Variants in RNF166 observed in about 807,000 individuals in gnomAD.
RNF166 encodes the protein E3 ubiquitin-protein ligase RNF166.
In RNF166, 19 loss-of-function variants were observed where a neutral mutation model predicts 29.4. The observed-to-expected ratio is 0.65, with a 90% CI of 0.45 to 0.95. The LOEUF (loss-of-function observed/expected upper bound fraction) is 0.95, where lower values mean the gene tolerates loss of function less well. Ranked by LOEUF, RNF166 falls within the 40% of genes least tolerant of loss-of-function variation. The pLI, the probability that RNF166 is intolerant of heterozygous loss-of-function variation, is 0.00. For synonymous variants in RNF166, 171 were observed against 134.5 expected (o/e 1.27, Z -1.88); for missense variants, 347 against 322.1 (o/e 1.08, Z -0.59).
chr16:88,702,756 T>TC, intron 1 of RNF166: 5 of 985,190 alleles, frequency 5.1e-6, no homozygotes, highest in Non-Finnish European at 6.0e-6. Flanking sequence ...AGTAAAGAGG[T>TC]CGCTCACTTT....
chr16:88,700,896 T>C (rs1482650107), intron 2 of RNF166: 34 of 1,133,382 alleles, frequency 3.0e-5, no homozygotes, highest in Non-Finnish European at 3.7e-5. Context: ...CCTTGTGACC[T>C]TGGAGCCCCC....
At position 88,699,575 on chromosome 16, in the gene RNF166, A is replaced by T. The variant is rs373678981; in HGVS notation, c.425+45T>A. 1.1e-4 allele frequency: 161 copies of T among 1,487,138 alleles called. No individual in the cohort carries two copies. In the African/African-American group the frequency reaches 2.0e-3, roughly 18 times the overall value. 92.1% of individuals were successfully genotyped at this position (1,487,138 alleles called of 1,614,324 possible). A position where few individuals can be genotyped will look rare whatever the true frequency, so the allele number is the denominator to read the frequency against. On this transcript the variant is annotated intron_variant, in intron 3 of 5. Coordinates refer to ENST00000312838, the MANE Select transcript of RNF166 (RefSeq NM_178841.4). ...ACTGCGCTTGCTCCCAGAACGAGGA[A>T]ACCGCCGAGGACAGTTCCTCTCCCT...
At chr16:88,703,856 G>A in intron 1 of RNF166, 2 of 985,458 alleles carry the variant, frequency 2.0e-6, no homozygotes, top group African/African-American at 1.7e-5. Flanking sequence ...TCAGGGATCT[G>A]CCTGGCTGGC....
At chr16:88,700,637 C>CCTCT (rs1910122468) in intron 2 of RNF166, 1 of 986,450 alleles carries the variant, frequency 1.0e-6, no homozygotes, top group Non-Finnish European at 1.2e-6. Context: ...CTCAGTCCTC[C>CCTCT]GGAAGCCACT....
intron 2 of RNF166, 187 bp from the exon 3 acceptor site, chr16:88,699,919 G>A (rs1910040359): frequency 4.0e-6 from 2 of 505,058 alleles, no homozygotes; most frequent in Non-Finnish European, 7.1e-6. Flanking sequence ...CTACTCCATG[G>A]CCAAAAGCAA....
intron 1 of RNF166, among the ~76,000 whole-genome samples, chr16:88,701,988 A>AGGGGG (rs1442898010): frequency 1.3e-5 from 2 of 152,144 alleles, no homozygotes; most frequent in African/African-American, 4.8e-5. Flanking sequence ...CGCAGGCAGG[A>AGGGGG]GGGGGTCCTG....
At chr16:88,705,850 C>T (rs1910737780) in intron 1 of RNF166, among the ~76,000 whole-genome samples, 1 of 152,242 alleles carries the variant, frequency 6.6e-6, no homozygotes, top group Non-Finnish European at 1.5e-5. Context: ...GCACCTGCTG[C>T]CCTCTGAGTA....
At position 88,698,647 on chromosome 16, in the gene RNF166, GGA is replaced by G. The variant is rs752457873; in HGVS notation, c.541-40_541-39del. The G allele has an allele frequency of 1.4e-5, 20 of 1,434,736 alleles. No individual in the cohort carries two copies. The African/African-American group carries it at 2.1e-4, about 15-fold the overall frequency. The allele number at this position is 1,434,736 out of a possible 1,614,324, so 88.9% of individuals were successfully genotyped here. A position where few individuals can be genotyped will look rare whatever the true frequency, so the allele number is the denominator to read the frequency against. On this transcript the variant is annotated intron_variant, in intron 4 of 5. Transcript: ENST00000312838. ...CTGGGGTCAAGCCGAGCCGGACCGC[GGA>G]GAGGCGGGGTAGCCGCAGTAGGACT...
Position 88,696,600 on chromosome 16 carries a change from C to T in RNF166, c.*968G>A. ...AATGTTGACGTGTTGCCCGGCCCGC[C>T]AAGCGGGCCCCTGCCCAGGCCCCCA... On this transcript the variant is annotated 3_prime_UTR_variant, in exon 6 of 6. Coordinates refer to ENST00000312838, the MANE Select transcript of RNF166 (RefSeq NM_178841.4). The T allele has an allele frequency of 2.2e-6, 1 of 454,448 alleles. No homozygotes were observed. Among genetic ancestry groups the T allele is most frequent in the Non-Finnish European group, 4.4e-6 (1 of 226,462 alleles). The allele number at this position is 454,448 out of a possible 1,614,324, so 28.2% of individuals were successfully genotyped here.
intron 1 of RNF166, among the ~76,000 whole-genome samples, chr16:88,704,864 C>T (rs963795311): frequency 5.3e-5 from 8 of 152,166 alleles, no homozygotes; most frequent in African/African-American, 1.7e-4. Flanking sequence ...GTGGCGGGTG[C>T]CTGTAATCCC....
Position 88,698,470 on chromosome 16 carries a change from G to A in RNF166, c.648+32C>T, listed in dbSNP as rs1038751290. 3.0e-5 allele frequency: 45 copies of A among 1,501,736 alleles called. No individual in the cohort carries two copies. The African/African-American group carries it at 3.6e-4, about 12-fold the overall frequency. 93.0% of individuals were successfully genotyped at this position (1,501,736 alleles called of 1,614,324 possible). A position where few individuals can be genotyped will look rare whatever the true frequency, so the allele number is the denominator to read the frequency against. On this transcript the variant is annotated intron_variant, in intron 5 of 5. Coordinates refer to ENST00000312838, the MANE Select transcript of RNF166 (RefSeq NM_178841.4). ...CAGGAGGAGGGTGGATGAGGAGGGC[G>A]TGGGGGAGGACGGTGCTGGCGGGAT...
At chr16:88,702,157 C>CCTGCTGCTATCTACAACCGCCTG (rs1177731650) in intron 1 of RNF166, among the ~76,000 whole-genome samples, 1 of 152,040 alleles carries the variant, frequency 6.6e-6, no homozygotes, top group Non-Finnish European at 1.5e-5. Flanking sequence ...CGCACACCCT[C>CCTGCTGCTATCTACAACCGCCTG]CCGCTCTGCA....
At chr16:88,701,618 G>T in intron 1 of RNF166, 200 bp from the exon 2 acceptor site, 1 of 559,644 alleles carries the variant, frequency 1.8e-6, no homozygotes, top group African/African-American at 2.0e-5. Context: ...CTAAAGGGTG[G>T]CCCCGGTCCC....
At position 88,696,714 on chromosome 16, in the gene RNF166, G is replaced by A. The variant is rs749981983; in HGVS notation, c.*854C>T. On this transcript the variant is annotated 3_prime_UTR_variant, in exon 6 of 6. Coordinates refer to ENST00000312838, the MANE Select transcript of RNF166 (RefSeq NM_178841.4). ...CAGCGGGCCAAGGCCAGGACTCTGG[G>A]TGGAGGAGGCCCCTTCTCTGCCGGC... The A allele has an allele frequency of 1.2e-5, 5 of 412,980 alleles. No individual in the cohort carries two copies. Among genetic ancestry groups the A allele is most frequent in the Middle Eastern group, 3.6e-4 (1 of 2,754 alleles). The allele number at this position is 412,980 out of a possible 1,614,324, so 25.6% of individuals were successfully genotyped here. A position where few individuals can be genotyped will look rare whatever the true frequency, so the allele number is the denominator to read the frequency against.
rs547375893 is a variant in RNF166, at chr16:88,697,397, G to A, written c.*171C>T. On this transcript the variant is annotated 3_prime_UTR_variant, in exon 6 of 6. Coordinates refer to ENST00000312838, the MANE Select transcript of RNF166 (RefSeq NM_178841.4). The stretch of plus-strand genomic sequence containing the variant: ...GCGGCCCTGCTCTGGCGGCCTCGGC[G>A]GCTGGCCCGTATTCAGGCCCGGAGG... 21 of 538,890 alleles carry A rather than the reference G, an allele frequency of 3.9e-5. No homozygotes were observed. Among genetic ancestry groups the A allele is most frequent in the Non-Finnish European group, 5.7e-5 (17 of 299,902 alleles). 33.4% of individuals were successfully genotyped at this position (538,890 alleles called of 1,614,324 possible).
intron 2 of RNF166, chr16:88,700,918 C>A: frequency 8.6e-7 from 1 of 1,162,136 alleles, no homozygotes; most frequent in Non-Finnish European, 1.1e-6. Flanking sequence ...GCGCCGTCCC[C>A]GGTATCGGCT....
At chr16:88,701,218 C>T in intron 2 of RNF166, 44 bp downstream of exon 2, 1 of 1,611,320 alleles carries the variant, frequency 6.2e-7, no homozygotes, top group Non-Finnish European at 8.5e-7. Flanking sequence ...TGAGGCTGCC[C>T]ATCAAGTGAC....
At chr16:88,698,279 C>G (rs1005988069) in intron 5 of RNF166, 1 of 698,622 alleles carries the variant, frequency 1.4e-6, no homozygotes, top group African/African-American at 1.7e-5. Flanking sequence ...TCCATGTCCC[C>G]GAGAGGCCTG....
intron 1 of RNF166, chr16:88,704,463 C>T: frequency 1.0e-6 from 1 of 985,368 alleles, no homozygotes; most frequent in Non-Finnish European, 1.2e-6. Flanking sequence ...GTTCTGCATT[C>T]TGTGTTATGG....
Sources: allele counts gnomAD v4.1 joint callset (sites outside exome capture counted in the v4.1 genomes callset), GRCh38; gene constraint gnomAD v4.1.1; transcripts MANE v1.5; gene names NCBI Gene and HGNC (gene_info 2026-07-23, HGNC 2026-07-21).